XKR6: variants seen among roughly 807,000 people sequenced by gnomAD.
XKR6 encodes the protein XK-related protein 6.
A neutral mutation model predicts 56.7 loss-of-function variants in XKR6; 22 were observed. That is an observed-to-expected ratio of 0.39 (90% confidence interval 0.28 to 0.55). The LOEUF (loss-of-function observed/expected upper bound fraction) is 0.55. Among genes scored for constraint, XKR6 ranks in the 20% least tolerant of loss-of-function variants. XKR6 has a pLI of 0.66. For missense variants in XKR6, 852 were observed against 889.0 expected (o/e 0.96, Z 0.53); for synonymous variants, 524 against 387.8 (o/e 1.35, Z -4.13).
At chr8:10,967,116 C>T (rs949536407) in intron 1 of XKR6, among the ~76,000 whole-genome samples, 15 of 152,350 alleles carry the variant, frequency 9.8e-5, no homozygotes, top group Non-Finnish European at 1.6e-4. Context: ...CATAGGTCTG[C>T]ATGACAGTGC....
chr8:10,940,701 G>T (rs1801362623), intron 1 of XKR6, among the ~76,000 whole-genome samples: 1 of 152,118 alleles, frequency 6.6e-6, no homozygotes, highest in Admixed American at 6.5e-5. Context: ...AGCTGCCTTG[G>T]CCAGCAGCAG....
Position 11,150,275 on chromosome 8 carries a change from G to C in XKR6, c.764+50301C>G, listed in dbSNP as rs559926497. On this transcript the variant is annotated intron_variant, in intron 1 of 2. Coordinates refer to ENST00000416569, the MANE Select transcript of XKR6 (RefSeq NM_173683.4). ...AGAAATGATAAGTACTCAATGTCAT[G>C]GATACCCCAAATAACCCAACTAGAT... Among the ~76,000 whole-genome samples, 48 of 152,184 alleles carry C rather than the reference G, an allele frequency of 3.2e-4. 1 individual carries two copies. The highest frequency in any genetic ancestry group is 1.1e-3 in the African/African-American group (47 of 41,532).
intron 1 of XKR6, among the ~76,000 whole-genome samples, chr8:10,967,111 G>T (rs190099108): frequency 6.6e-6 from 1 of 152,310 alleles, no homozygotes; most frequent in Admixed American, 6.5e-5. Context: ...TGCGTCATAG[G>T]TCTGCATGAC....
In XKR6 at chr8:10,972,104, G is replaced by A. The variant is rs538462793; in HGVS notation, c.765-47274C>T. Among the ~76,000 whole-genome samples the A allele has an allele frequency of 4.5e-4, 68 of 152,248 alleles. 1 individual carries two copies. Among genetic ancestry groups the A allele is most frequent in the African/African-American group, 1.6e-3 (67 of 41,554 alleles). On this transcript the variant is annotated intron_variant, in intron 1 of 2. Coordinates refer to ENST00000416569, the MANE Select transcript of XKR6 (RefSeq NM_173683.4). ...TTGCGAGTGCCAATCGCCTCTGGCT[G>A]GAACACCCTGAGTGCCTTCCGACCC...
intron 1 of XKR6, among the ~76,000 whole-genome samples, chr8:11,100,899 G>A (rs1225063535): frequency 6.6e-6 from 1 of 152,202 alleles, no homozygotes. Context: ...TTTATGGGAA[G>A]GTGCTGCCGG....
In XKR6 at chr8:10,963,114, C is replaced by T. The variant is rs573521458; in HGVS notation, c.765-38284G>A. On this transcript the variant is annotated intron_variant, in intron 1 of 2. Coordinates refer to ENST00000416569, the MANE Select transcript of XKR6 (RefSeq NM_173683.4). ...GCACATCCCGCTTCTCCTCTCTCGG[C>T]GCTTCCAGGGGCAGCCAGTTCAGAG... Among the ~76,000 whole-genome samples the T allele has an allele frequency of 3.9e-5, 6 of 152,326 alleles. 1 individual carries two copies. In the South Asian group the frequency reaches 8.3e-4, roughly 21 times the overall value.
chr8:11,001,384 C>G (rs1427831701), intron 1 of XKR6, among the ~76,000 whole-genome samples: 2 of 152,132 alleles, frequency 1.3e-5, no homozygotes, highest in Admixed American at 1.3e-4. Flanking sequence ...TTATAATGCA[C>G]TGCTCTGAGG....
At chr8:11,189,878 C>T (rs961114439) in intron 1 of XKR6, among the ~76,000 whole-genome samples, 8 of 152,180 alleles carry the variant, frequency 5.3e-5, no homozygotes, top group Non-Finnish European at 7.4e-5. Context: ...CTGCTTTGGA[C>T]GGGTGCAGTG....
rs1800875743 is a variant in XKR6 at position 11,144,444 on chromosome 8, A to T, written c.764+56132T>A. On this transcript the variant is annotated intron_variant, in intron 1 of 2. Coordinates refer to ENST00000416569, the MANE Select transcript of XKR6 (RefSeq NM_173683.4). ...GCTGGAGCAAAGTCGAGAAGCAGGA[A>T]GTAGACTCAAAACTCAGAACCCTAG... is the stretch of plus-strand genomic sequence containing the variant. Among the ~76,000 whole-genome samples the T allele has an allele frequency of 3.3e-5, 5 of 151,860 alleles. No homozygotes were observed. The South Asian group carries it at 1.0e-3, about 32-fold the overall frequency.
intron 1 of XKR6, among the ~76,000 whole-genome samples, chr8:11,142,932 C>A (rs1286561126): frequency 1.3e-5 from 2 of 152,104 alleles, no homozygotes; most frequent in Non-Finnish European, 2.9e-5. Context: ...AAGAAATGAA[C>A]TGGTCACGTT....
At chr8:11,041,106 G>A (rs1799275574) in intron 1 of XKR6, among the ~76,000 whole-genome samples, 1 of 152,158 alleles carries the variant, frequency 6.6e-6, no homozygotes, top group Non-Finnish European at 1.5e-5. Context: ...ATCAGGATCA[G>A]AGGAGAGATG....
chr8:11,055,405 C>T (rs1799656349), intron 1 of XKR6, among the ~76,000 whole-genome samples: 1 of 152,152 alleles, frequency 6.6e-6, no homozygotes, highest in African/African-American at 2.4e-5. Flanking sequence ...AGTAAGCAGG[C>T]CAAGGCCAGA....
At chr8:10,908,778 T>C (rs550312709) in intron 2 of XKR6, among the ~76,000 whole-genome samples, 1 of 152,244 alleles carries the variant, frequency 6.6e-6, no homozygotes, top group South Asian at 2.1e-4. Flanking sequence ...CTTCAAGAGG[T>C]GGTTAGGCCA....
At chr8:11,156,021 T>C (rs1347198152) in intron 1 of XKR6, among the ~76,000 whole-genome samples, 2 of 152,226 alleles carry the variant, frequency 1.3e-5, no homozygotes, top group Non-Finnish European at 1.5e-5. Flanking sequence ...CTACTAGTGC[T>C]TTCCTTTTAT....
At chr8:11,118,525 G>T (rs1026017895) in intron 1 of XKR6, among the ~76,000 whole-genome samples, 9 of 152,110 alleles carry the variant, frequency 5.9e-5, no homozygotes, top group African/African-American at 2.2e-4. Context: ...CTTCTTCCTG[G>T]TTTCGTCCTG....
chr8:11,038,041 AAG>A (rs1341999034), intron 1 of XKR6, among the ~76,000 whole-genome samples: 1 of 151,606 alleles, frequency 6.6e-6, no homozygotes, highest in Non-Finnish European at 1.5e-5. Context: ...AAAAAAAAAA[AAG>A]ATTGAATGCT....
At chr8:10,947,329 G>A (rs557344823) in intron 1 of XKR6, among the ~76,000 whole-genome samples, 3 of 152,286 alleles carry the variant, frequency 2.0e-5, no homozygotes, top group African/African-American at 7.2e-5. Flanking sequence ...GATACCTGGG[G>A]AACGTCCAGG....
At chr8:11,108,132 G>A (rs760284720) in intron 1 of XKR6, 5 of 356,838 alleles carry the variant, frequency 1.4e-5, no homozygotes, top group South Asian at 2.2e-5. Flanking sequence ...GGACCCGTGT[G>A]TTGAAACACA....
At chr8:11,089,736 G>A (rs955503938) in intron 1 of XKR6, among the ~76,000 whole-genome samples, 7 of 152,138 alleles carry the variant, frequency 4.6e-5, no homozygotes, top group African/African-American at 1.2e-4. Context: ...AAAATTTAGC[G>A]TTTTGCATAG....
Sources: allele counts gnomAD v4.1 joint callset (sites outside exome capture counted in the v4.1 genomes callset), GRCh38; gene constraint gnomAD v4.1.1; transcripts MANE v1.5; gene names NCBI Gene and HGNC (gene_info 2026-07-23, HGNC 2026-07-21).